Variants in SPPL2B observed in about 807,000 individuals in gnomAD.
SPPL2B encodes signal peptide peptidase like 2B, also known as signal peptide peptidase-like 2B.
A neutral mutation model predicts 59.7 loss-of-function variants in SPPL2B; 39 were observed. The ratio of observed to expected loss-of-function variants is 0.65; its 90% CI spans 0.51 to 0.85. SPPL2B has a LOEUF of 0.85. SPPL2B is among the 40% of genes least tolerant of loss of function. SPPL2B has a pLI of 0.00. For missense variants in SPPL2B, 865 were observed against 849.0 expected, an observed-to-expected ratio of 1.02 and a Z score of -0.23; for synonymous variants, 419 against 370.8, an observed-to-expected ratio of 1.13 and a Z score of -1.49.
intron 12 of SPPL2B, 67 bp downstream of exon 12, chr19:2,344,719 C>A: frequency 9.8e-7 from 1 of 1,020,574 alleles, no homozygotes; most frequent in Non-Finnish European, 1.5e-6. Flanking sequence ...TGAGGTTTGC[C>A]TTTGGGAGTG....
Position 2,340,111 on chromosome 19 carries a change from G to A in SPPL2B, c.778G>A (p.Ala260Thr), listed in dbSNP as rs761346557. 1.1e-5 allele frequency: 17 copies of A among 1,594,060 alleles called. No homozygotes were observed. The highest frequency in any genetic ancestry group is 1.6e-4 in the Middle Eastern group (1 of 6,066). The change falls in exon 7 of 15, where the codon GCC (alanine) becomes ACC (threonine). Residue 260 changes from alanine (A) to threonine (T), a missense_variant. Ala to Thr is a moderately conservative substitution (Grantham distance 58). Coordinates refer to ENST00000613503, the MANE Select transcript of SPPL2B (RefSeq NM_152988.3). The stretch of plus-strand genomic sequence containing the variant: ...CATCGGGATCTTCTGCCTGGCCTCC[G>A]CCACCGGCCTCTACAGCTGCCTGGC... ...VVIGIFCLASATGLYSCLAPC... is the reference protein window; with the variant it reads ...VVIGIFCLASTTGLYSCLAPC...
intron 14 of SPPL2B, 96 bp from the exon 15 acceptor site, chr19:2,352,849 GC>G (rs1970000012): frequency 6.6e-6 from 9 of 1,368,998 alleles, no homozygotes; most frequent in South Asian, 1.3e-5. Context: ...TTTTGACCCT[GC>G]CCCCGTGGCC....
At chr19:2,345,569 C>T (rs1338469350) in intron 13 of SPPL2B, among the ~76,000 whole-genome samples, 1 of 151,810 alleles carries the variant, frequency 6.6e-6, no homozygotes, top group Non-Finnish European at 1.5e-5. Flanking sequence ...GTGCCTGCAA[C>T]CCCCTCTTTC....
intron 13 of SPPL2B, among the ~76,000 whole-genome samples, chr19:2,348,620 CCACA>C (rs72260701): frequency 2.1e-5 from 3 of 145,214 alleles, no homozygotes; most frequent in African/African-American, 5.0e-5. Context: ...TTCTCTCTCT[CCACA>C]CACACTCACA....
rs758986860 is a variant in SPPL2B at position 2,345,261 on chromosome 19, G to T, written c.1285G>T (p.Val429Leu). Reference protein sequence around the residue: ...FGDILVPGLLVAYCHRFDIQV... With the variant: ...FGDILVPGLLLAYCHRFDIQV... ...CCCTGTGCCTCCCCCAGGGCTGCTG[G>T]TGGCCTACTGCCACAGGTTTGACAT... Residue 429 changes from valine to leucine, a missense_variant, in exon 13 of 15, where the codon GTG becomes TTG. Coordinates refer to ENST00000613503, the MANE Select transcript of SPPL2B (RefSeq NM_152988.3). 6.2e-7 allele frequency: 1 copy of T among 1,612,106 alleles called. No homozygotes were observed. Among genetic ancestry groups the T allele is most frequent in the Non-Finnish European group, 8.5e-7 (1 of 1,179,280 alleles).
chr19:2,328,824 C>T (rs1968125729), intron 1 of SPPL2B, 49 bp downstream of exon 1: 3 of 1,321,856 alleles, frequency 2.3e-6, no homozygotes, highest in Admixed American at 4.1e-5. Context: ...GGCCCTTCGG[C>T]CTCTCTGTCC....
chr19:2,330,947 A>AG, intron 1 of SPPL2B, among the ~76,000 whole-genome samples: 1 of 152,124 alleles, frequency 6.6e-6, no homozygotes, highest in South Asian at 2.1e-4. Context: ...CTGTCCCTGG[A>AG]GGGGGGCAGT....
intron 5 of SPPL2B, 126 bp downstream of exon 5, chr19:2,339,334 C>A (rs982678424): frequency 1.2e-5 from 14 of 1,127,050 alleles, no homozygotes; most frequent in Non-Finnish European, 1.6e-5. Flanking sequence ...CCCGTGGAGC[C>A]CTTCGTTTCT....
Position 2,337,586 on chromosome 19 carries a change from C to T in SPPL2B, c.330C>T (p.Ser110=), listed in dbSNP as rs747719124. 9.4e-6 allele frequency: 15 copies of T among 1,601,442 alleles called. No homozygotes were observed. Among genetic ancestry groups the T allele is most frequent in the Admixed American group, 3.4e-5 (2 of 59,492 alleles). Residue 110 remains serine (S), a synonymous_variant, in exon 3 of 15, where the codon AGC becomes AGT. Transcript: ENST00000613503. Reference sequence around the variant, plus strand: ...AGAAAGTGAGGCTGGCCCAGGGCAGCGGAGCACGCGGGCTGCTCATCGTCA... The same window carrying T: ...AGAAAGTGAGGCTGGCCCAGGGCAGTGGAGCACGCGGGCTGCTCATCGTCA... ...FYEKVRLAQG[S]GARGLLIVSR...
In SPPL2B at chr19:2,334,561, C is replaced by T. The variant is rs759937135; in HGVS notation, c.67-41C>T. The T allele has an allele frequency of 1.1e-5, 18 of 1,584,420 alleles. No homozygotes were observed. In the African/African-American group the frequency reaches 1.2e-4, roughly 11 times the overall value. ...TCTCGTGGGGCGGTGCAGCCCCGCA[C>T]GTCCCGTGCTGTGGCTCTGACTGCT... On this transcript the variant is annotated intron_variant, in intron 1 of 14. Transcript: ENST00000613503.
At chr19:2,331,259 TGATGTG>T (rs1196524817) in intron 1 of SPPL2B, among the ~76,000 whole-genome samples, 4 of 152,230 alleles carry the variant, frequency 2.6e-5, no homozygotes, top group African/African-American at 7.2e-5. Context: ...CAAAGGCCCT[TGATGTG>T]GATGCTTTCA....
rs1000231847 is a variant in SPPL2B, at chr19:2,343,040, G to A, written c.957-171G>A. 7 of 618,602 alleles carry A rather than the reference G, an allele frequency of 1.1e-5. No individual in the cohort carries two copies. In the Admixed American group the frequency reaches 1.8e-4, roughly 16 times the overall value. 38.3% of individuals were successfully genotyped at this position (618,602 alleles called of 1,614,324 possible). The stretch of plus-strand genomic sequence containing the variant: ...CGCCAGCCCTGCTGGAGTTGTAACA[G>A]CAGGGGTCCTCCCACAGGTCTGGGG... On this transcript the variant is annotated intron_variant, in intron 8 of 14. Transcript: ENST00000613503.
Position 2,337,496 on chromosome 19 carries a change from C to A in SPPL2B, c.240C>A (p.Asp80Glu). The A allele has an allele frequency of 6.2e-7, 1 of 1,613,258 alleles. No individual in the cohort carries two copies. Among genetic ancestry groups the A allele is most frequent in the Non-Finnish European group, 8.5e-7 (1 of 1,179,634 alleles). ...WTASLLCSAA[D>E]LPARGFSNQI... ...CCTCCCTGCTCTGCTCCGCAGCCGA[C>A]CTCCCCGCCCGTGGCTTCAGCAACC... The change falls in exon 3 of 15, where the codon GAC (aspartate) becomes GAA (glutamate). Residue 80 changes from aspartate (D) to glutamate (E), a missense_variant. Physicochemically the swap from Asp to Glu is conservative, Grantham distance 45. Transcript: ENST00000613503.
intron 1 of SPPL2B, among the ~76,000 whole-genome samples, chr19:2,333,389 G>A (rs1276180782): frequency 6.6e-6 from 1 of 152,196 alleles, no homozygotes; most frequent in Non-Finnish European, 1.5e-5. Context: ...GAGGACCGTG[G>A]TTCTGCCTAG....
At chr19:2,343,342 C>T (rs1340826272) in intron 9 of SPPL2B, 50 bp downstream of exon 9, 26 of 1,449,574 alleles carry the variant, frequency 1.8e-5, no homozygotes, top group East Asian at 2.5e-5. Context: ...AGTGGGGGCC[C>T]TTCATCCTAG....
In SPPL2B at chr19:2,332,588, G is replaced by A. The variant is rs997247711; in HGVS notation, c.67-2014G>A. Among the ~76,000 whole-genome samples the A allele has an allele frequency of 3.3e-5, 5 of 152,198 alleles. No homozygotes were observed. Among genetic ancestry groups the A allele is most frequent in the African/African-American group, 1.2e-4 (5 of 41,434 alleles). ...CGTGACAGGTCCCCTGGGGACCAGG[G>A]GGTGCGGCTGTCTCTCTGTCTGGGA... On this transcript the variant is annotated intron_variant, in intron 1 of 14. Coordinates refer to ENST00000613503, the MANE Select transcript of SPPL2B (RefSeq NM_152988.3). The surrounding 1 kb of genome is among the most constrained non-coding windows in gnomAD (Gnocchi z 4.6).
chr19:2,345,220 C>A, intron 12 of SPPL2B, 33 bp from the exon 13 acceptor site: 2 of 1,599,678 alleles, frequency 1.3e-6, no homozygotes, highest in Non-Finnish European at 1.7e-6. Flanking sequence ...GCTCTGCGGG[C>A]CCGAGTAAGC....
chr19:2,344,727 G>T, intron 12 of SPPL2B, 75 bp downstream of exon 12: 7 of 926,464 alleles, frequency 7.6e-6, no homozygotes, highest in Non-Finnish European at 1.2e-5. Context: ...GCCTTTGGGA[G>T]TGAGTGGCCC....
chr19:2,331,360 G>C (rs1258408594), intron 1 of SPPL2B, among the ~76,000 whole-genome samples: 1 of 152,230 alleles, frequency 6.6e-6, no homozygotes, highest in Admixed American at 6.5e-5. Flanking sequence ...AATTGTGAAG[G>C]ATTTGGAGGT....
Sources: gnomAD v4.1 joint callset for allele counts (sites outside exome capture counted in the v4.1 genomes callset) on GRCh38, gnomAD v4.1.1 for gene constraint, Gnocchi (gnomAD v3.1) non-coding constraint, MANE v1.5 for transcripts, NCBI Gene and HGNC (gene_info 2026-07-23, HGNC 2026-07-21) for gene names.